CEMIP2: variants seen among roughly 807,000 people sequenced by gnomAD.
The protein encoded by CEMIP2 is cell surface hyaluronidase CEMIP2.
In CEMIP2, 79 loss-of-function variants were observed where a neutral mutation model predicts 146.9. The ratio of observed to expected loss-of-function variants is 0.54; its 90% CI spans 0.45 to 0.65. CEMIP2 has a LOEUF of 0.65. Ranked by LOEUF, CEMIP2 falls within the 30% of genes least tolerant of loss-of-function variation. The pLI, the probability that CEMIP2 is intolerant of heterozygous loss-of-function variation, is 0.00. For synonymous variants in CEMIP2, 601 were observed against 606.3 expected (o/e 0.99, Z 0.13); for missense variants, 1,596 against 1,696.2 (o/e 0.94, Z 1.04).
chr9:71,708,986 C>T (rs56376444), intron 17 of CEMIP2, among the ~76,000 whole-genome samples: 2,348 of 152,250 alleles, frequency 0.015, 62 homozygotes, highest in African/African-American at 0.052. Context: ...ACGTTCCAAC[C>T]ACATTTAACC....
intron 1 of CEMIP2, among the ~76,000 whole-genome samples, chr9:71,753,206 CTT>C (rs1445064928): frequency 1.3e-5 from 2 of 151,190 alleles, no homozygotes; most frequent in Non-Finnish European, 2.9e-5. Context: ...GAGTGGGAAT[CTT>C]TTGTTTCTGA....
At chr9:71,766,079 T>C (rs973705475) in intron 1 of CEMIP2, among the ~76,000 whole-genome samples, 2 of 151,630 alleles carry the variant, frequency 1.3e-5, no homozygotes, top group Non-Finnish European at 2.9e-5. Flanking sequence ...TTTCTTTTTT[T>C]TTTTTTCAGA....
chr9:71,704,875 A>T, intron 17 of CEMIP2, 72 bp from the exon 18 acceptor site: 3 of 1,430,188 alleles, frequency 2.1e-6, no homozygotes, highest in Non-Finnish European at 2.9e-6. Flanking sequence ...TTTTCAGCAC[A>T]AAGTCAAGTG....
intron 10 of CEMIP2, among the ~76,000 whole-genome samples, chr9:71,726,790 A>G (rs1823396877): frequency 6.6e-6 from 1 of 152,170 alleles, no homozygotes; most frequent in African/African-American, 2.4e-5. Context: ...TTGCTACCTC[A>G]ACTCTTCTGG....
chr9:71,744,923 G>T, intron 4 of CEMIP2, 95 bp downstream of exon 4: 1 of 1,349,166 alleles, frequency 7.4e-7, no homozygotes, highest in Non-Finnish European at 1.0e-6. Context: ...TCTGATGCCT[G>T]AGTCATGCTG....
At chr9:71,715,218 C>A in intron 14 of CEMIP2, 129 bp from the exon 15 acceptor site, 21 of 669,428 alleles carry the variant, frequency 3.1e-5, no homozygotes, top group Non-Finnish European at 4.1e-5. Flanking sequence ...AATACACATT[C>A]ACAAGTCTTC....
Position 71,716,505 on chromosome 9 carries a change from G to T in CEMIP2, c.2435+12C>A. 6.3e-7 allele frequency: 1 copy of T among 1,575,496 alleles called. No homozygotes were observed. The highest frequency in any genetic ancestry group is 1.2e-5 in the South Asian group (1 of 84,822). On this transcript the variant is annotated intron_variant, in intron 14 of 23. Coordinates refer to ENST00000377044, the MANE Select transcript of CEMIP2 (RefSeq NM_013390.3). ...CTTTAAAATAAGTAAGTATTTTTAA[G>T]CAATTACAAACCTGGCAAAGGTCAG...
Position 71,716,547 on chromosome 9 carries a change from G to A in CEMIP2, c.2405C>T (p.Ala802Val), listed in dbSNP as rs1282402251. The A allele has an allele frequency of 6.3e-7, 1 of 1,592,192 alleles. No homozygotes were observed. The highest frequency in any genetic ancestry group is 1.8e-5 in the Admixed American group (1 of 56,002). The change falls in exon 14 of 24, where the codon GCA becomes GTA. Residue 802 changes from alanine to valine, a missense_variant. Ala to Val is a moderately conservative substitution (Grantham distance 64, BLOSUM62 0). Coordinates refer to ENST00000377044, the MANE Select transcript of CEMIP2 (RefSeq NM_013390.3). ...AAAGGTCAGTCCTATTCCATTATCTGCAAATCTGTAAAAGAAGAGAGAATG... is the reference window on the plus strand; with the variant it reads ...AAAGGTCAGTCCTATTCCATTATCTACAAATCTGTAAAAGAAGAGAGAATG... ...GDIIVQNSAF[A>V]DNGIGLTFAS...
chr9:71,718,210 T>C (rs887402223), intron 12 of CEMIP2, 131 bp from the exon 13 acceptor site: 2 of 830,700 alleles, frequency 2.4e-6, no homozygotes, highest in African/African-American at 3.5e-5. Context: ...AAGATACAAC[T>C]TACTTACATT....
intron 10 of CEMIP2, 140 bp from the exon 11 acceptor site, chr9:71,725,849 T>C (rs551212688): frequency 2.2e-6 from 2 of 903,932 alleles, no homozygotes; most frequent in Admixed American, 6.4e-5. Context: ...GAATTGACAA[T>C]AAAAAGTTGT....
intron 1 of CEMIP2, among the ~76,000 whole-genome samples, chr9:71,758,834 T>C (rs927933029): frequency 2.6e-5 from 4 of 152,154 alleles, no homozygotes; most frequent in African/African-American, 7.2e-5. Flanking sequence ...TTTCCTAAAA[T>C]AGAAGATTTT....
At chr9:71,689,259 G>A (rs978448425) in intron 22 of CEMIP2, among the ~76,000 whole-genome samples, 13 of 152,266 alleles carry the variant, frequency 8.5e-5, no homozygotes, top group South Asian at 8.3e-4. Flanking sequence ...ATTGGCATCC[G>A]GTTCTATAAA....
At chr9:71,703,225 A>T (rs1381599147) in intron 18 of CEMIP2, among the ~76,000 whole-genome samples, 1 of 152,176 alleles carries the variant, frequency 6.6e-6, no homozygotes, top group African/African-American at 2.4e-5. Context: ...TGACTTTAGG[A>T]GCTGGAACCA....
At chr9:71,739,990 C>T (rs1042444779) in intron 5 of CEMIP2, 73 bp downstream of exon 5, 1 of 1,403,048 alleles carries the variant, frequency 7.1e-7, no homozygotes, top group Non-Finnish European at 9.7e-7. Flanking sequence ...GAACATAATA[C>T]TATTCTTAGA....
intron 16 of CEMIP2, among the ~76,000 whole-genome samples, chr9:71,709,872 A>G (rs568925160): frequency 5.9e-5 from 9 of 152,332 alleles, no homozygotes; most frequent in Non-Finnish European, 1.2e-4. Flanking sequence ...TACATGTAAG[A>G]TCTGTGCATT....
chr9:71,732,065 T>TTTTG (rs1823634427), intron 7 of CEMIP2, among the ~76,000 whole-genome samples: 3 of 152,194 alleles, frequency 2.0e-5, no homozygotes, highest in African/African-American at 7.2e-5. Flanking sequence ...CTTCAGTTTT[T>TTTTG]TTTTGTTTTG....
At chr9:71,728,193 TTCTCTCTCTC>T (rs369654117) in intron 10 of CEMIP2, among the ~76,000 whole-genome samples, 829 of 29,430 alleles carry the variant, frequency 0.028, 84 homozygotes, top group Middle Eastern at 0.037. Context: ...CAGCGAAACC[TTCTCTCTCTC>T]TCTCTCTCTC....
At chr9:71,746,619 A>C (rs1420136880) in intron 2 of CEMIP2, among the ~76,000 whole-genome samples, 1 of 148,996 alleles carries the variant, frequency 6.7e-6, no homozygotes, top group Admixed American at 6.7e-5. Flanking sequence ...AAAAAAAAAA[A>C]GTTTCCCTGA....
At position 71,734,980 on chromosome 9, in the gene CEMIP2, C is replaced by T. The variant is rs1454501244; in HGVS notation, c.1219G>A (p.Gly407Arg). ...SEWIEGVSLS[G>R]FRVEVVDGVK... The stretch of plus-strand genomic sequence containing the variant: ...CCATCTACAACCTCTACCCGGAATC[C>T]TGAAAGAGAAACGCCTAAACCAAAA... Residue 407 changes from glycine (G) to arginine (R), a missense_variant, in exon 6 of 24, where the codon GGA becomes AGA. Gly to Arg is a moderately radical substitution (Grantham distance 125). Coordinates refer to ENST00000377044, the MANE Select transcript of CEMIP2 (RefSeq NM_013390.3). The T allele has an allele frequency of 1.2e-6, 2 of 1,602,320 alleles. No homozygotes were observed. The highest frequency in any genetic ancestry group is 1.7e-6 in the Non-Finnish European group (2 of 1,176,206).
Sources: allele counts gnomAD v4.1 joint callset (sites outside exome capture counted in the v4.1 genomes callset), GRCh38; gene constraint gnomAD v4.1.1; transcripts MANE v1.5; gene names NCBI Gene and HGNC (gene_info 2026-07-23, HGNC 2026-07-21).